DGKB: variants seen among roughly 807,000 people sequenced by gnomAD.
DGKB encodes the protein diacylglycerol kinase beta, also known as 90 kDa diacylglycerol kinase.
Under a neutral mutation model 114.3 loss-of-function variants are expected in DGKB, and 67 were observed. The ratio of observed to expected loss-of-function variants is 0.59; its 90% confidence interval spans 0.48 to 0.72. The LOEUF is 0.72. DGKB is among the 30% of genes least tolerant of loss of function. DGKB has a pLI of 0.00. For missense variants in DGKB, 907 were observed against 975.2 expected, an observed-to-expected ratio of 0.93 and a Z score of 0.93; for synonymous variants, 398 against 323.1, an observed-to-expected ratio of 1.23 and a Z score of -2.49.
Position 14,357,362 on chromosome 7 carries a change from G to A in DGKB, c.1836-11971C>T, listed in dbSNP as rs62444576. On this transcript the variant is annotated intron_variant, in intron 21 of 25. Coordinates refer to ENST00000402815, the MANE Select transcript of DGKB (RefSeq NM_001350709.2). ...TTACCATTACGTAATGGCCTTCTTTGTCTCTTTTGATCTTTGTTGGTTTAA... is the reference window on the plus strand; with the variant it reads ...TTACCATTACGTAATGGCCTTCTTTATCTCTTTTGATCTTTGTTGGTTTAA... Among the ~76,000 whole-genome samples the A allele has an allele frequency of 5.8e-3, 884 of 152,140 alleles. 5 individuals are homozygous for A. Among genetic ancestry groups the A allele is most frequent in the Middle Eastern group, 0.014 (4 of 294 alleles).
chr7:14,268,682 G>C (rs1797865318), intron 23 of DGKB, among the ~76,000 whole-genome samples: 1 of 152,116 alleles, frequency 6.6e-6, no homozygotes, highest in South Asian at 2.1e-4. Context: ...TTTCCTTTAA[G>C]GAAGCAGGTA....
intron 1 of DGKB, among the ~76,000 whole-genome samples, chr7:14,915,017 A>T (rs1266678997): frequency 6.6e-6 from 1 of 152,148 alleles, no homozygotes; most frequent in Non-Finnish European, 1.5e-5. Context: ...TAACAGACTA[A>T]CCAAGAATTA....
chr7:14,281,169 T>A (rs1453812071), intron 23 of DGKB, among the ~76,000 whole-genome samples: 16 of 148,282 alleles, frequency 1.1e-4, no homozygotes, highest in South Asian at 4.4e-4. Flanking sequence ...GAGGAAGATC[T>A]ACCAAGCAAA....
intron 20 of DGKB, among the ~76,000 whole-genome samples, chr7:14,540,542 T>A (rs981145387): frequency 2.0e-5 from 3 of 152,204 alleles, no homozygotes; most frequent in Non-Finnish European, 4.4e-5. Flanking sequence ...TACTTTTCTG[T>A]TTTGACTGCT....
intron 1 of DGKB, among the ~76,000 whole-genome samples, chr7:14,926,794 CCTG>C (rs1315262444): frequency 6.6e-6 from 1 of 151,712 alleles, no homozygotes; most frequent in African/African-American, 2.4e-5. Context: ...GTTGGTAGTG[CCTG>C]CTTTCTTTTT....
intron 2 of DGKB, among the ~76,000 whole-genome samples, chr7:14,797,276 G>T (rs371084625): frequency 1.3e-5 from 2 of 151,982 alleles, no homozygotes; most frequent in African/African-American, 4.8e-5. Flanking sequence ...TGAATGAAAG[G>T]TAGTCCAGGT....
At chr7:14,243,062 A>G (rs1157066445) in intron 23 of DGKB, among the ~76,000 whole-genome samples, 1 of 152,156 alleles carries the variant, frequency 6.6e-6, no homozygotes, top group Non-Finnish European at 1.5e-5. Context: ...CAGACATTAA[A>G]TGTAAATAAA....
chr7:14,395,616 C>G (rs1020994257), intron 21 of DGKB, among the ~76,000 whole-genome samples: 3 of 151,660 alleles, frequency 2.0e-5, no homozygotes, highest in African/African-American at 7.3e-5. Context: ...CAGAGAACTA[C>G]CATGTTTAAA....
At chr7:14,187,391 G>T (rs1044541727) in intron 23 of DGKB, among the ~76,000 whole-genome samples, 3 of 152,216 alleles carry the variant, frequency 2.0e-5, no homozygotes, top group East Asian at 1.9e-4. Context: ...AGTCTGGGTG[G>T]TCCCATTTCC....
chr7:14,241,635 A>G (rs1442497737), intron 23 of DGKB, among the ~76,000 whole-genome samples: 1 of 152,044 alleles, frequency 6.6e-6, no homozygotes, highest in African/African-American at 2.4e-5. Flanking sequence ...TTTTACCTGA[A>G]AGTAGGAAAG....
chr7:14,791,998 C>T (rs2128508575), intron 2 of DGKB, among the ~76,000 whole-genome samples: 1 of 152,028 alleles, frequency 6.6e-6, no homozygotes, highest in Middle Eastern at 3.4e-3. Flanking sequence ...CTGAGTATTC[C>T]CTTCCCTTCT....
intron 13 of DGKB, among the ~76,000 whole-genome samples, chr7:14,648,428 G>A (rs1011499825): frequency 1.3e-5 from 2 of 152,152 alleles, no homozygotes; most frequent in Non-Finnish European, 2.9e-5. Context: ...ACCTGCAGCT[G>A]AGGGTCCTCT....
chr7:14,450,180 A>T lies in DGKB; in HGVS notation c.1835+27981T>A, dbSNP rs373431359. On this transcript the variant is annotated intron_variant, in intron 21 of 25. Transcript: ENST00000402815. Reference sequence around the variant, plus strand: ...TTAATTTTTGAAATTGTAAGTCCATATATTGCCATGCTGGTTAACACCAAA... The same window carrying T: ...TTAATTTTTGAAATTGTAAGTCCATTTATTGCCATGCTGGTTAACACCAAA... Among the ~76,000 whole-genome samples, 3 of 152,236 alleles carry T rather than the reference A, an allele frequency of 2.0e-5. No individual in the cohort carries two copies. The East Asian group carries it at 5.8e-4, about 29-fold the overall frequency.
intron 4 of DGKB, 86 bp downstream of exon 4, chr7:14,753,842 G>C (rs1834465101): frequency 2.3e-6 from 2 of 854,920 alleles, no homozygotes; most frequent in South Asian, 1.5e-5. Flanking sequence ...CAGAAGTATA[G>C]TTCAGTGATA....
chr7:14,808,603 A>G (rs995255079), intron 2 of DGKB, among the ~76,000 whole-genome samples: 1 of 152,122 alleles, frequency 6.6e-6, no homozygotes, highest in Non-Finnish European at 1.5e-5. Flanking sequence ...GATGGAAATA[A>G]TAATTGGGTA....
chr7:14,695,593 G>C (rs1823718029), intron 8 of DGKB, among the ~76,000 whole-genome samples: 1 of 141,346 alleles, frequency 7.1e-6, no homozygotes, highest in African/African-American at 2.6e-5. Flanking sequence ...TCCGCCTCCT[G>C]GGTTCACGCC....
chr7:14,891,714 C>G (rs1273189652), intron 1 of DGKB, among the ~76,000 whole-genome samples: 1 of 151,156 alleles, frequency 6.6e-6, no homozygotes, highest in Admixed American at 6.6e-5. Context: ...AATGCTAGTA[C>G]CCAAAATAAA....
chr7:14,547,904 G>C (rs991246475), intron 20 of DGKB, among the ~76,000 whole-genome samples: 10 of 152,080 alleles, frequency 6.6e-5, no homozygotes, highest in Non-Finnish European at 1.3e-4. Flanking sequence ...AAGATCCCTT[G>C]CTTTGAAATA....
At chr7:14,163,138 A>C (rs2128226711) in intron 25 of DGKB, among the ~76,000 whole-genome samples, 1 of 152,348 alleles carries the variant, frequency 6.6e-6, no homozygotes, top group African/African-American at 2.4e-5. Context: ...GAGACACCTA[A>C]AGATGACACC....
Sources: allele counts gnomAD v4.1 joint callset (sites outside exome capture counted in the v4.1 genomes callset), GRCh38; gene constraint gnomAD v4.1.1; transcripts MANE v1.5; gene names NCBI Gene and HGNC (gene_info 2026-07-23, HGNC 2026-07-21).